The following SUMF1 variants were observed in gnomAD, a reference collection of about 807,000 sequenced individuals.
SUMF1 encodes sulfatase modifying factor 1, also known as formylglycine-generating enzyme.
In SUMF1, 48 loss-of-function variants were observed where a neutral mutation model predicts 47.6. The ratio of observed to expected loss-of-function variants is 1.01; its 90% CI spans 0.80 to 1.28. The LOEUF (loss-of-function observed/expected upper bound fraction) is 1.28, where lower values mean the gene tolerates loss of function less well. Ranked by LOEUF, SUMF1 falls within the 50% of genes most tolerant of loss-of-function variation. The pLI, the probability that SUMF1 is intolerant of heterozygous loss-of-function variation, is 0.00. For missense variants in SUMF1, 571 were observed against 485.4 expected (o/e 1.18, Z -1.66); for synonymous variants, 230 against 192.1 (o/e 1.20, Z -1.63).
At chr3:4,252,379 C>A (rs1696823591) in intron 8 of SUMF1, among the ~76,000 whole-genome samples, 1 of 68,730 alleles carries the variant, frequency 1.5e-5, no homozygotes, top group African/African-American at 4.0e-5. Flanking sequence ...CACACACACA[C>A]CCCACTGGCT....
intron 8 of SUMF1, among the ~76,000 whole-genome samples, chr3:4,265,802 C>G (rs982012578): frequency 6.6e-6 from 1 of 152,148 alleles, no homozygotes. Context: ...GAAGTCCTTG[C>G]CTGTGCCTAT....
At chr3:4,099,136 C>A (rs1469175793) in intron 8 of SUMF1, among the ~76,000 whole-genome samples, 2 of 152,150 alleles carry the variant, frequency 1.3e-5, no homozygotes, top group Non-Finnish European at 2.9e-5. Flanking sequence ...TGGGTATAAT[C>A]TGCTGTGCCT....
At chr3:4,073,089 C>G (rs554259493) in intron 8 of SUMF1, among the ~76,000 whole-genome samples, 9 of 152,128 alleles carry the variant, frequency 5.9e-5, no homozygotes, top group African/African-American at 1.9e-4. Flanking sequence ...CAGAGAGAAA[C>G]GTTGGGTTAC....
chr3:4,402,874 C>T (rs1448925192), intron 7 of SUMF1, among the ~76,000 whole-genome samples: 2 of 152,034 alleles, frequency 1.3e-5, no homozygotes, highest in Non-Finnish European at 2.9e-5. Context: ...TAAAAAAAAT[C>T]GCTGTGTAAC....
rs182231083 is a variant in SUMF1, at chr3:4,236,920, T to G, written c.1014+139410A>C. On this transcript the variant is annotated intron_variant and NMD_transcript_variant, in intron 8 of 12. Coordinates refer to the SUMF1 transcript ENST00000448413. ...TCATCCCTGTTACCCCACTGACCCC[T>G]GTCAGTCACTGATCTTTTACTGTCT... Among the ~76,000 whole-genome samples, 296 of 152,102 alleles carry G rather than the reference T, an allele frequency of 1.9e-3. 2 individuals are homozygous for G. The highest frequency in any genetic ancestry group is 3.3e-3 in the Non-Finnish European group (223 of 67,976).
intron 7 of SUMF1, among the ~76,000 whole-genome samples, chr3:4,384,344 C>G (rs1432250069): frequency 3.3e-5 from 5 of 152,168 alleles, no homozygotes; most frequent in African/African-American, 1.2e-4. Context: ...CCAGTTTTCC[C>G]CAATGGCAAC....
rs1164656081 is a variant in SUMF1 at position 4,255,649 on chromosome 3, A to C, written c.1014+120681T>G. Among the ~76,000 whole-genome samples the C allele has an allele frequency of 1.2e-4, 16 of 135,852 alleles. No individual in the cohort carries two copies. The East Asian group carries it at 1.4e-3, about 12-fold the overall frequency. 89.1% of individuals were successfully genotyped at this position (135,852 alleles called of 152,430 possible). A position where few individuals can be genotyped will look rare whatever the true frequency, so the allele number is the denominator to read the frequency against. On this transcript the variant is annotated intron_variant and NMD_transcript_variant, in intron 8 of 12. Transcript: ENST00000448413. ...AGTGACCTACAAAGAGACTTAGACT[A>C]CCACACATTAATAATGGGAGACTTT...
intron 8 of SUMF1, among the ~76,000 whole-genome samples, chr3:4,202,016 G>C (rs553141890): frequency 8.6e-5 from 13 of 151,924 alleles, no homozygotes; most frequent in African/African-American, 3.1e-4. Flanking sequence ...TTGCTTGTCA[G>C]ATGGATAGTT....
chr3:4,371,358 T>C (rs1197469346), intron 8 of SUMF1, among the ~76,000 whole-genome samples: 2 of 152,234 alleles, frequency 1.3e-5, no homozygotes, highest in African/African-American at 4.8e-5. Context: ...AATGAGATCC[T>C]GGACTTGGGA....
intron 3 of SUMF1, among the ~76,000 whole-genome samples, chr3:4,428,280 G>C (rs1317675454): frequency 6.6e-6 from 1 of 151,962 alleles, no homozygotes; most frequent in Non-Finnish European, 1.5e-5. Context: ...GAAAATATTA[G>C]CAGAACATAT....
chr3:4,184,941 CA>C (rs1353465867), intron 8 of SUMF1, among the ~76,000 whole-genome samples: 1 of 152,106 alleles, frequency 6.6e-6, no homozygotes, highest in African/African-American at 2.4e-5. Context: ...TGAGCCACCG[CA>C]CCTGGCCTCC....
intron 8 of SUMF1, among the ~76,000 whole-genome samples, chr3:4,191,860 T>C (rs1383933678): frequency 6.6e-6 from 1 of 152,140 alleles, no homozygotes; most frequent in Non-Finnish European, 1.5e-5. Flanking sequence ...AGAATTACAA[T>C]ACAGTGTGAT....
chr3:4,144,323 G>C (rs766320108), intron 8 of SUMF1, among the ~76,000 whole-genome samples: 15 of 152,172 alleles, frequency 9.9e-5, no homozygotes, highest in South Asian at 6.2e-4. Flanking sequence ...GAATAAGTAT[G>C]TGGCAGATGA....
rs1391147301 is a variant in SUMF1, at chr3:4,376,497, C to T, written c.955-108G>A. ...ACCAGCTCTCTCATGGTTGCCTAAA[C>T]TCTCCACATGCATTTCCACCCCTAG... On this transcript the variant is annotated intron_variant, in intron 7 of 8. Coordinates refer to ENST00000272902, the MANE Select transcript of SUMF1 (RefSeq NM_182760.4). The T allele has an allele frequency of 4.4e-6, 5 of 1,141,506 alleles. No individual in the cohort carries two copies. In the African/African-American group the frequency reaches 7.6e-5, roughly 17 times the overall value. 70.7% of individuals were successfully genotyped at this position (1,141,506 alleles called of 1,614,324 possible).
intron 2 of SUMF1, among the ~76,000 whole-genome samples, chr3:4,450,949 T>C (rs1355279821): frequency 2.0e-5 from 3 of 151,782 alleles, no homozygotes; most frequent in East Asian, 3.9e-4. Context: ...GCTGGAGAGA[T>C]GGGAAAAGAG....
chr3:4,121,503 C>A (rs1011883256), intron 8 of SUMF1, among the ~76,000 whole-genome samples: 2 of 152,158 alleles, frequency 1.3e-5, no homozygotes, highest in Non-Finnish European at 2.9e-5. Context: ...GTGATGTCCA[C>A]TTAAGGTAGA....
intron 8 of SUMF1, among the ~76,000 whole-genome samples, chr3:4,075,641 G>C (rs976460079): frequency 2.1e-4 from 32 of 152,118 alleles, no homozygotes; most frequent in Non-Finnish European, 4.0e-4. Flanking sequence ...CTTCAGCAAA[G>C]TCTCAGGATA....
chr3:4,256,302 C>T (rs1405578173), intron 8 of SUMF1, among the ~76,000 whole-genome samples: 2 of 98,784 alleles, frequency 2.0e-5, no homozygotes, highest in Non-Finnish European at 4.3e-5. Flanking sequence ...ACAAAAAACC[C>T]TTCAAAAAAT....
chr3:4,160,383 G>A (rs1300129741), intron 8 of SUMF1, among the ~76,000 whole-genome samples: 1 of 152,032 alleles, frequency 6.6e-6, no homozygotes, highest in Non-Finnish European at 1.5e-5. Flanking sequence ...GGGACTACAA[G>A]TATGAGCCAC....
Sources: gnomAD v4.1 joint callset for allele counts (sites outside exome capture counted in the v4.1 genomes callset) on GRCh38, gnomAD v4.1.1 for gene constraint, MANE v1.5 for transcripts, NCBI Gene and HGNC (gene_info 2026-07-23, HGNC 2026-07-21) for gene names.